G3BP2: variants seen among roughly 807,000 people sequenced by gnomAD.
The protein encoded by G3BP2 is ras GTPase-activating protein-binding protein 2.
G3BP2 carries 11 observed loss-of-function variants against 56.7 expected under a neutral mutation model. That is an observed-to-expected ratio of 0.19 (90% CI 0.12 to 0.32). The LOEUF (loss-of-function observed/expected upper bound fraction) is 0.32, where lower values mean the gene tolerates loss of function less well. G3BP2 is among the 10% of genes least tolerant of loss of function. The probability of loss-of-function intolerance (pLI) is 1.00; values close to 1 mark genes in which losing one functional copy is unlikely to be tolerated. For missense variants in G3BP2, 340 were observed against 610.9 expected (o/e 0.56, Z 4.67); for synonymous variants, 165 against 191.6 (o/e 0.86, Z 1.15).
intron 8 of G3BP2, among the ~76,000 whole-genome samples, chr4:75,652,578 C>T (rs529874405): frequency 4.6e-5 from 7 of 152,188 alleles, no homozygotes; most frequent in African/African-American, 1.4e-4. Flanking sequence ...GCTAAGATAA[C>T]GCCACTGCCA....
At chr4:75,673,617 AGCCAAGATAAGAGTCC>A (rs1733704331), upstream of G3BP2, 43 of 1,231,072 alleles carry the variant, frequency 3.5e-5, no homozygotes, top group Non-Finnish European at 4.2e-5. Context: ...ACCGGCCTAA[AGCCAAGATAAGAGTCC>A]GCTGATTTGA....
Position 75,679,850 on chromosome 4 carries a change from G to A in G3BP2, c.-24-17801C>T, listed in dbSNP as rs552935323. Among the ~76,000 whole-genome samples, 9 of 152,316 alleles carry A rather than the reference G, an allele frequency of 5.9e-5. No individual in the cohort carries two copies. In the South Asian group the frequency reaches 1.7e-3, roughly 28 times the overall value. ...TAAAAGCACCTCAGGCTGAGTAAAT[G>A]AGGTGCTTTTCAGAGATAAAATAAT... On this transcript the variant is annotated intron_variant, in intron 3 of 3. Transcript: ENST00000499709.
In G3BP2 at chr4:75,652,330, G is replaced by A. The variant is rs909316021; in HGVS notation, c.825+1653C>T. Among the ~76,000 whole-genome samples, 9 of 152,228 alleles carry A rather than the reference G, an allele frequency of 5.9e-5. No individual in the cohort carries two copies. In the South Asian group the frequency reaches 1.5e-3, roughly 25 times the overall value. ...AGCAAGGTGCTGGAGAATTGCATAA[G>A]GTTTACATGAGGCTGGGCGCAGTGG... On this transcript the variant is annotated intron_variant, in intron 8 of 11. Transcript: ENST00000359707.
intron 2 of G3BP2, among the ~76,000 whole-genome samples, chr4:75,721,129 C>T (rs1188674803): frequency 3.3e-5 from 5 of 151,982 alleles, no homozygotes; most frequent in African/African-American, 7.3e-5. Flanking sequence ...TAGTAGACAA[C>T]GGGGTTTCTC....
chr4:75,674,718 A>ATATATATATATATTTTT (rs1241041465), upstream of G3BP2, among the ~76,000 whole-genome samples: 1 of 71,430 alleles, frequency 1.4e-5, no homozygotes, highest in African/African-American at 5.9e-5. Flanking sequence ...ATATATATAT[A>ATATATATATATATTTTT]TTTTTTTTTT....
intron 3 of G3BP2, among the ~76,000 whole-genome samples, chr4:75,719,373 TGATAATACCGAAGATG>T (rs1262004347): frequency 2.0e-5 from 3 of 149,014 alleles, no homozygotes; most frequent in African/African-American, 7.4e-5. Flanking sequence ...AAAAAGAAAT[TGATAATACCGAAGATG>T]ATCAGGGTCT....
chr4:75,693,965 T>G (rs1560416411), intron 3 of G3BP2, among the ~76,000 whole-genome samples: 1 of 151,904 alleles, frequency 6.6e-6, no homozygotes, highest in Non-Finnish European at 1.5e-5. Flanking sequence ...GGTCTTGAAC[T>G]CCTAGTCTCA....
intron 1 of G3BP2, among the ~76,000 whole-genome samples, chr4:75,664,221 AC>A (rs1312429286): frequency 1.3e-5 from 2 of 151,782 alleles, no homozygotes; most frequent in Non-Finnish European, 2.9e-5. Context: ...ACTTAAAAGT[AC>A]TAAAAAAAAA....
chr4:75,721,255 T>TA (rs1266854204), intron 2 of G3BP2, among the ~76,000 whole-genome samples: 57 of 151,342 alleles, frequency 3.8e-4, no homozygotes, highest in African/African-American at 1.3e-3. Context: ...CTAGTCTTTT[T>TA]TTTTTTTTTT....
At chr4:75,711,943 G>C (rs1377666963) in intron 3 of G3BP2, among the ~76,000 whole-genome samples, 7 of 151,908 alleles carry the variant, frequency 4.6e-5, no homozygotes, top group Non-Finnish European at 8.8e-5. Context: ...GTTGTTATTT[G>C]TGATTATAAA....
chr4:75,709,274 G>C (rs12233785), intron 3 of G3BP2, among the ~76,000 whole-genome samples: 46,318 of 151,732 alleles, frequency 0.31, 8,690 homozygotes, highest in East Asian at 0.76. Context: ...ACAAAAATTA[G>C]CCAGGTGCGG....
chr4:75,690,043 C>CT (rs1426413738), intron 3 of G3BP2, among the ~76,000 whole-genome samples: 4 of 152,116 alleles, frequency 2.6e-5, no homozygotes, highest in Non-Finnish European at 4.4e-5. Flanking sequence ...ATGGTTTATG[C>CT]TTTTTTCTGT....
Position 75,655,801 on chromosome 4 carries a change from G to A in G3BP2, c.512C>T (p.Ala171Val). The change falls in exon 6 of 12, where the codon GCT becomes GTT. Residue 171 changes from alanine (A) to valine (V), a missense_variant. By Grantham distance (64) the Ala-to-Val change is moderately conservative. Transcript: ENST00000359707. ...QPSPEPVQEN[A>V]NSGYYEAHPV... Reference sequence around the variant, plus strand: ...GTGAGCTTCATAGTAACCACTGTTAGCATTTTCTTGCACAGGTTCAGGAGA... The same window carrying A: ...GTGAGCTTCATAGTAACCACTGTTAACATTTTCTTGCACAGGTTCAGGAGA... 1 of 1,598,252 alleles carries A rather than the reference G, an allele frequency of 6.3e-7. No homozygotes were observed. The highest frequency in any genetic ancestry group is 8.6e-7 in the Non-Finnish European group (1 of 1,165,678).
intron 7 of G3BP2, 80 bp from the exon 8 acceptor site, chr4:75,654,161 TTTTCTTTTCA>T: frequency 1.4e-6 from 1 of 714,230 alleles, no homozygotes. Context: ...CAAATATATA[TTTTCTTTTCA>T]TTTCTAAACT....
At position 75,689,109 on chromosome 4, in the gene G3BP2, G is replaced by A. The variant is rs972653288; in HGVS notation, c.-24-27060C>T. Among the ~76,000 whole-genome samples, 12 of 152,152 alleles carry A rather than the reference G, an allele frequency of 7.9e-5. 1 individual carries two copies. Among genetic ancestry groups the A allele is most frequent in the Non-Finnish European group, 1.5e-4 (10 of 68,028 alleles). On this transcript the variant is annotated intron_variant, in intron 3 of 3. Transcript: ENST00000499709. ...TATAAGCAGTTTCCAAAGGCTGGGCGTGGAGGCTCACTCCTGTAATCCCAG... is the reference window on the plus strand; with the variant it reads ...TATAAGCAGTTTCCAAAGGCTGGGCATGGAGGCTCACTCCTGTAATCCCAG...
chr4:75,710,637 G>A (rs1719718656), intron 3 of G3BP2, among the ~76,000 whole-genome samples: 1 of 152,128 alleles, frequency 6.6e-6, no homozygotes, highest in Non-Finnish European at 1.5e-5. Flanking sequence ...AAATGATGAA[G>A]CCAGGATTCA....
chr4:75,655,649 A>C (rs1195401543), intron 6 of G3BP2, 119 bp downstream of exon 6: 1 of 640,138 alleles, frequency 1.6e-6, no homozygotes, highest in Non-Finnish European at 2.8e-6. Context: ...ATAGGTACTC[A>C]AATACTGACA....
chr4:75,646,341 T>C lies in G3BP2; in HGVS notation c.1173A>G (p.Ala391=), dbSNP rs2148941605. 1.4e-6 allele frequency: 2 copies of C among 1,399,356 alleles called. No individual in the cohort carries two copies. Among genetic ancestry groups the C allele is most frequent in the East Asian group, 2.3e-5 (1 of 43,572 alleles). The allele number at this position is 1,399,356 out of a possible 1,614,324, so 86.7% of individuals were successfully genotyped here. The change falls in exon 11 of 12, where the codon GCA becomes GCG. Residue 391 remains alanine (A), a synonymous_variant. Transcript: ENST00000359707. ...DSEPVQRILI[A]KPIMFRGEVR... is the part of the protein sequence containing the mutation. ...TTATGCCCTTTAAATCACTTACTTTTGCAATTAAGATTCTCTGAACTGGTT... is the reference window on the plus strand; with the variant it reads ...TTATGCCCTTTAAATCACTTACTTTCGCAATTAAGATTCTCTGAACTGGTT...
At chr4:75,664,815 C>T (rs1732870952) in intron 1 of G3BP2, among the ~76,000 whole-genome samples, 1 of 152,086 alleles carries the variant, frequency 6.6e-6, no homozygotes, top group African/African-American at 2.4e-5. Flanking sequence ...CACCACTGCA[C>T]TCCAGCCTGG....
Sources: allele counts gnomAD v4.1 joint callset (sites outside exome capture counted in the v4.1 genomes callset), GRCh38; gene constraint gnomAD v4.1.1; transcripts MANE v1.5; gene names NCBI Gene and HGNC (gene_info 2026-07-23, HGNC 2026-07-21).